The following RNF212B variants were observed in gnomAD, a reference collection of about 807,000 sequenced individuals.
RNF212B encodes E3 ubiquitin-protein ligase RNF212B.
Under a neutral mutation model 55.5 loss-of-function variants are expected in RNF212B, and 52 were observed. The observed-to-expected ratio is 0.94, with a 90% CI of 0.75 to 1.18. The LOEUF (loss-of-function observed/expected upper bound fraction) is 1.18, where lower values mean the gene tolerates loss of function less well. Among genes scored for constraint, RNF212B ranks in the 50% most tolerant of loss-of-function variants. RNF212B has a pLI of 0.00. For synonymous variants in RNF212B, 99 were observed against 121.4 expected (o/e 0.82, Z 1.21); for missense variants, 289 against 350.4 (o/e 0.82, Z 1.40).
At chr14:23,221,166 C>T (rs1881539300) in intron 2 of RNF212B, among the ~76,000 whole-genome samples, 1 of 150,394 alleles carries the variant, frequency 6.6e-6, no homozygotes, top group African/African-American at 2.4e-5. Flanking sequence ...GTGGACAGAT[C>T]ACTTGAGGTC....
chr14:23,263,036 T>C, intron 9 of RNF212B, 66 bp downstream of exon 9: 2 of 1,381,590 alleles, frequency 1.4e-6, no homozygotes, highest in South Asian at 2.5e-5. Context: ...TATCTAGTTG[T>C]AGCTCAGATT....
At chr14:23,205,329 A>T in intron 2 of RNF212B, among the ~76,000 whole-genome samples, 1 of 149,084 alleles carries the variant, frequency 6.7e-6, no homozygotes. Flanking sequence ...TTTTTTTTTA[A>T]GCAAGAATGT....
intron 4 of RNF212B, among the ~76,000 whole-genome samples, chr14:23,251,034 A>G (rs1884367045): frequency 6.6e-6 from 1 of 152,142 alleles, no homozygotes; most frequent in Non-Finnish European, 1.5e-5. Flanking sequence ...TAGCTTAGTG[A>G]TTTGGGGGGT....
Position 23,258,951 on chromosome 14 carries a change from C to T in RNF212B, c.344+287C>T, listed in dbSNP as rs576986495. Among the ~76,000 whole-genome samples the T allele has an allele frequency of 2.8e-4, 42 of 151,134 alleles. 1 individual carries two copies. The highest frequency in any genetic ancestry group is 9.2e-4 in the African/African-American group (38 of 41,198). ...CTGTAATCCCAGCACTTTGGGTGAC[C>T]GAAGCAGAAGATCACTTGAGGCCAG... On this transcript the variant is annotated intron_variant, in intron 5 of 14. Coordinates refer to ENST00000430154, the MANE Select transcript of RNF212B (RefSeq NM_001282322.3).
chr14:23,201,159 A>C (rs1292821769), intron 2 of RNF212B, among the ~76,000 whole-genome samples: 1 of 152,214 alleles, frequency 6.6e-6, no homozygotes, highest in Non-Finnish European at 1.5e-5. Context: ...ATTCATGAAC[A>C]TTTTAGCTCT....
At chr14:23,186,430 A>G (rs1877604108) in intron 1 of RNF212B, among the ~76,000 whole-genome samples, 1 of 151,676 alleles carries the variant, frequency 6.6e-6, no homozygotes, top group Non-Finnish European at 1.5e-5. Flanking sequence ...GCTCACTGCA[A>G]CCTCTGGCTC....
At chr14:23,205,876 T>A (rs964413947) in intron 2 of RNF212B, among the ~76,000 whole-genome samples, 4 of 152,236 alleles carry the variant, frequency 2.6e-5, no homozygotes, top group African/African-American at 9.6e-5. Flanking sequence ...GGCCTGGGTT[T>A]ATAGTTTTGT....
upstream of RNF212B, among the ~76,000 whole-genome samples, chr14:23,234,061 C>T (rs1882930179): frequency 6.6e-6 from 1 of 152,124 alleles, no homozygotes; most frequent in Admixed American, 6.6e-5. Flanking sequence ...AGTACCACTG[C>T]ACTTGCACTC....
chr14:23,214,434 C>T (rs940285684), intron 2 of RNF212B, among the ~76,000 whole-genome samples: 10 of 152,052 alleles, frequency 6.6e-5, no homozygotes, highest in African/African-American at 1.4e-4. Flanking sequence ...GTGGAGGTTG[C>T]GGTGAGCCCA....
chr14:23,265,572 C>A (rs541999901), intron 11 of RNF212B, among the ~76,000 whole-genome samples: 1 of 152,322 alleles, frequency 6.6e-6, no homozygotes, highest in African/African-American at 2.4e-5. Flanking sequence ...AAATCTCCCA[C>A]ATTTGAAATC....
chr14:23,241,854 C>T (rs1208390060), intron 2 of RNF212B, among the ~76,000 whole-genome samples: 5 of 151,588 alleles, frequency 3.3e-5, no homozygotes, highest in East Asian at 2.0e-4. Flanking sequence ...GAGGCCGAGG[C>T]GGGTGGATCA....
At chr14:23,244,199 T>A in intron 3 of RNF212B, 123 bp from the exon 4 acceptor site, 1 of 544,424 alleles carries the variant, frequency 1.8e-6, no homozygotes, top group Non-Finnish European at 3.2e-6. Context: ...GATCTCCCTT[T>A]TACACACAGT....
upstream of RNF212B, among the ~76,000 whole-genome samples, chr14:23,237,562 C>G (rs1883205129): frequency 6.6e-6 from 1 of 152,182 alleles, no homozygotes; most frequent in Admixed American, 6.5e-5. Flanking sequence ...TCAAAGCACC[C>G]ATTATTTTCA....
At chr14:23,244,964 T>C (rs1235373786) in intron 4 of RNF212B, among the ~76,000 whole-genome samples, 1 of 152,158 alleles carries the variant, frequency 6.6e-6, no homozygotes, top group Non-Finnish European at 1.5e-5. Context: ...GCAACAGGAA[T>C]GTAGAAGAAG....
chr14:23,256,374 T>C (rs1219109534), intron 4 of RNF212B, among the ~76,000 whole-genome samples: 7 of 112,772 alleles, frequency 6.2e-5, no homozygotes, highest in African/African-American at 2.7e-4. Context: ...CTCCACTGTT[T>C]AATTTTTTTT....
At chr14:23,216,860 A>ACTGAATGT (rs1234094929) in intron 2 of RNF212B, among the ~76,000 whole-genome samples, 3 of 133,228 alleles carry the variant, frequency 2.3e-5, no homozygotes, top group Non-Finnish European at 4.7e-5. Context: ...AGTGTGGGTG[A>ACTGAATGT]CTGAATGTGA....
intron 2 of RNF212B, among the ~76,000 whole-genome samples, chr14:23,232,412 G>T (rs950361682): frequency 7.1e-6 from 1 of 141,640 alleles, no homozygotes; most frequent in Non-Finnish European, 1.6e-5. Context: ...CCCGGCAGCC[G>T]CCCTGTCTGA....
At chr14:23,248,441 T>C (rs1292237606) in intron 4 of RNF212B, among the ~76,000 whole-genome samples, 1 of 44,098 alleles carries the variant, frequency 2.3e-5, no homozygotes, top group Non-Finnish European at 5.2e-5. Flanking sequence ...CCCAAGCCTC[T>C]TTTTTTTTTT....
At chr14:23,203,755 G>A (rs1453998109) in intron 2 of RNF212B, among the ~76,000 whole-genome samples, 2 of 152,156 alleles carry the variant, frequency 1.3e-5, no homozygotes, top group African/African-American at 4.8e-5. Context: ...TGGGATTACA[G>A]GCATGAGCCA....
Sources: allele counts gnomAD v4.1 joint callset (sites outside exome capture counted in the v4.1 genomes callset), GRCh38; gene constraint gnomAD v4.1.1; transcripts MANE v1.5; gene names NCBI Gene and HGNC (gene_info 2026-07-23, HGNC 2026-07-21).